DTNA: variants seen among roughly 807,000 people sequenced by gnomAD.
DTNA encodes dystrophin-related protein 3.
DTNA carries 43 observed loss-of-function variants against 100.7 expected under a neutral mutation model. That is an observed-to-expected ratio of 0.43 (90% CI 0.33 to 0.55). The LOEUF (loss-of-function observed/expected upper bound fraction) is 0.55, where lower values mean the gene tolerates loss of function less well. DTNA is among the 20% of genes least tolerant of loss of function. DTNA has a pLI of 0.04. For missense variants in DTNA, 798 were observed against 953.9 expected (o/e 0.84, Z 2.15); for synonymous variants, 349 against 347.9 (o/e 1.00, Z -0.04).
chr18:34,889,591 C>T lies in DTNA; in HGVS notation c.*1857C>T, dbSNP rs1165744170. 1 of 985,292 alleles carries T rather than the reference C, an allele frequency of 1.0e-6. No individual in the cohort carries two copies. The highest frequency in any genetic ancestry group is 1.2e-6 in the Non-Finnish European group (1 of 829,944). The allele number at this position is 985,292 out of a possible 1,614,324, so 61.0% of individuals were successfully genotyped here. On this transcript the variant is annotated 3_prime_UTR_variant, in exon 23 of 23. Coordinates refer to ENST00000444659, the MANE Select transcript of DTNA (RefSeq NM_001386795.1). ...AGCCAAGTCCTGACATCTTCATGCCCCCTCTGCAGAGGGCGGCTGTACGAT... is the reference window on the plus strand; with the variant it reads ...AGCCAAGTCCTGACATCTTCATGCCTCCTCTGCAGAGGGCGGCTGTACGAT...
chr18:34,718,986 A>G (rs2084665216), intron 1 of DTNA, among the ~76,000 whole-genome samples: 1 of 151,918 alleles, frequency 6.6e-6, no homozygotes, highest in South Asian at 2.1e-4. Flanking sequence ...AAGGCAATTA[A>G]CCCTTTTTTT....
At chr18:34,763,130 A>T (rs1182490811) in intron 2 of DTNA, among the ~76,000 whole-genome samples, 1 of 152,108 alleles carries the variant, frequency 6.6e-6, no homozygotes, top group Non-Finnish European at 1.5e-5. Flanking sequence ...TACACAAATA[A>T]TCTGTGCCCC....
chr18:34,737,908 A>T (rs2089936843), intron 1 of DTNA: 1 of 152,158 alleles, frequency 6.6e-6, no homozygotes, highest in Admixed American at 6.5e-5. Flanking sequence ...ACCAACAAAA[A>T]CAATTTCATG....
chr18:34,524,033 G>A (rs2042381946), intron 1 of DTNA, among the ~76,000 whole-genome samples: 1 of 152,258 alleles, frequency 6.6e-6, no homozygotes, highest in African/African-American at 2.4e-5. Context: ...GTTGCCTAGT[G>A]TGTGTTAAAT....
At chr18:34,884,820 T>G in intron 22 of DTNA, 44 bp downstream of exon 22, 1 of 1,593,820 alleles carries the variant, frequency 6.3e-7, no homozygotes, top group Non-Finnish European at 8.6e-7. Context: ...CACTGTACAC[T>G]GAATTCTGAT....
At position 34,746,452 on chromosome 18, in the gene DTNA, T is replaced by G. The variant is rs546389324; in HGVS notation, c.-1-9524T>G. On this transcript the variant is annotated intron_variant, in intron 1 of 22. Transcript: ENST00000444659. ...ATGTGAGGCTCAGCCATCATTTCCC[T>G]ATGACAAAGTGGGCCTATGTGTATA... Among the ~76,000 whole-genome samples the G allele has an allele frequency of 1.8e-4, 28 of 152,284 alleles. No individual in the cohort carries two copies. In the East Asian group the frequency reaches 5.0e-3, roughly 27 times the overall value.
intron 1 of DTNA, among the ~76,000 whole-genome samples, chr18:34,681,130 G>C (rs1379292361): frequency 6.6e-6 from 1 of 151,970 alleles, no homozygotes; most frequent in Non-Finnish European, 1.5e-5. Context: ...TTTCATCTTT[G>C]TAACCATTTC....
intron 9 of DTNA, chr18:34,825,297 A>C: frequency 6.2e-7 from 1 of 1,613,280 alleles, no homozygotes; most frequent in Non-Finnish European, 8.5e-7. Context: ...AGTCATTTCC[A>C]GTCTACTTAC....
At chr18:34,796,157 A>G (rs1462910238) in intron 4 of DTNA, among the ~76,000 whole-genome samples, 1 of 152,258 alleles carries the variant, frequency 6.6e-6, no homozygotes, top group Non-Finnish European at 1.5e-5. Flanking sequence ...AAACATATCC[A>G]TGTAGAGATC....
chr18:34,792,903 T>C (rs1311408281), intron 3 of DTNA, among the ~76,000 whole-genome samples: 1 of 152,196 alleles, frequency 6.6e-6, no homozygotes, highest in Non-Finnish European at 1.5e-5. Context: ...TTGTACGTGA[T>C]TGTTCATAGC....
chr18:34,696,358 C>A (rs912829027), intron 1 of DTNA, among the ~76,000 whole-genome samples: 16 of 152,120 alleles, frequency 1.1e-4, no homozygotes, highest in African/African-American at 3.9e-4. Flanking sequence ...GCGGGCGGAA[C>A]ACAAGGTCAA....
upstream of DTNA, among the ~76,000 whole-genome samples, chr18:34,707,116 T>A (rs2082214496): frequency 6.6e-6 from 1 of 152,214 alleles, no homozygotes; most frequent in African/African-American, 2.4e-5. Context: ...GCCATGTTGC[T>A]TAATTTAAGC....
chr18:34,879,031 A>G (rs954050938), intron 19 of DTNA, among the ~76,000 whole-genome samples: 1 of 152,274 alleles, frequency 6.6e-6, no homozygotes, highest in Non-Finnish European at 1.5e-5. Context: ...GCAGGTAACC[A>G]CTGCCCTAGC....
chr18:34,533,779 C>A (rs1398675602), intron 1 of DTNA, among the ~76,000 whole-genome samples: 1 of 152,034 alleles, frequency 6.6e-6, no homozygotes, highest in East Asian at 1.9e-4. Flanking sequence ...TTATCCTGTT[C>A]TGGACACTAT....
chr18:34,886,823 T>C (rs1228334212), intron 22 of DTNA, among the ~76,000 whole-genome samples: 1 of 152,252 alleles, frequency 6.6e-6, no homozygotes, highest in Non-Finnish European at 1.5e-5. Flanking sequence ...CCTGATAGAA[T>C]GTTGTAAAAA....
intron 1 of DTNA, among the ~76,000 whole-genome samples, chr18:34,620,071 A>C (rs931330409): frequency 1.3e-5 from 2 of 152,214 alleles, no homozygotes; most frequent in Non-Finnish European, 2.9e-5. Context: ...CGAAACAAAC[A>C]AGATTGGTAA....
At chr18:34,516,794 G>A (rs1428457867) in intron 1 of DTNA, among the ~76,000 whole-genome samples, 7 of 152,010 alleles carry the variant, frequency 4.6e-5, no homozygotes, top group Admixed American at 1.3e-4. Flanking sequence ...TTGGATGCCC[G>A]GATTCCATAT....
intron 18 of DTNA, among the ~76,000 whole-genome samples, chr18:34,876,495 CAGA>C (rs1334794223): frequency 1.3e-5 from 2 of 152,020 alleles, no homozygotes; most frequent in East Asian, 1.9e-4. Flanking sequence ...TACGAATAGA[CAGA>C]AGAACAAAGA....
At chr18:34,604,362 G>A (rs1040173183) in intron 1 of DTNA, among the ~76,000 whole-genome samples, 1 of 152,094 alleles carries the variant, frequency 6.6e-6, no homozygotes, top group African/African-American at 2.4e-5. Context: ...ACTGTGGGTA[G>A]CATAAATTCT....
Sources: gnomAD v4.1 joint callset for allele counts (sites outside exome capture counted in the v4.1 genomes callset) on GRCh38, gnomAD v4.1.1 for gene constraint, MANE v1.5 for transcripts, NCBI Gene and HGNC (gene_info 2026-07-23, HGNC 2026-07-21) for gene names.